The following HDAC9 variants were observed in gnomAD, a reference collection of about 807,000 sequenced individuals.
The protein encoded by HDAC9 is MEF-2 interacting transcription repressor (MITR) protein.
HDAC9 carries 41 observed loss-of-function variants against 139.4 expected under a neutral mutation model. The observed-to-expected ratio is 0.29, with a 90% confidence interval of 0.23 to 0.38. HDAC9 has a LOEUF of 0.38. Ranked by LOEUF, HDAC9 falls within the 10% of genes least tolerant of loss-of-function variation. The probability of loss-of-function intolerance (pLI) is 1.00; values close to 1 mark genes in which losing one functional copy is unlikely to be tolerated. For missense variants in HDAC9, 1,147 were observed against 1,297.0 expected, an observed-to-expected ratio of 0.88 and a Z score of 1.78; for synonymous variants, 517 against 476.2, an observed-to-expected ratio of 1.09 and a Z score of -1.12.
At chr7:18,867,777 C>T (rs1022298131) in intron 21 of HDAC9, among the ~76,000 whole-genome samples, 2 of 152,076 alleles carry the variant, frequency 1.3e-5, no homozygotes, top group Non-Finnish European at 2.9e-5. Context: ...TTTCTTGGGT[C>T]TCTCAGGGAC....
rs374289806 is a variant in HDAC9, at chr7:18,972,068, A to T, written c.3023-3738A>T. Among the ~76,000 whole-genome samples, 9 of 152,356 alleles carry T rather than the reference A, an allele frequency of 5.9e-5. 1 individual carries two copies. In the East Asian group the frequency reaches 1.7e-3, roughly 29 times the overall value. ...AAGCCCTTGCTTATTCTAAATGTGC[A>T]TATTATGTGCAAAGAATGTTTGCTG... On this transcript the variant is annotated intron_variant, in intron 24 of 25. Coordinates refer to ENST00000686413, the MANE Select transcript of HDAC9 (RefSeq NM_178425.4).
intron 2 of HDAC9, among the ~76,000 whole-genome samples, chr7:18,268,014 C>T (rs539819345): frequency 1.3e-5 from 2 of 152,172 alleles, no homozygotes; most frequent in South Asian, 4.2e-4. Flanking sequence ...GCTGAGCACC[C>T]TGACTTAACA....
intron 1 of HDAC9, among the ~76,000 whole-genome samples, chr7:18,459,676 A>C (rs1484908542): frequency 6.6e-6 from 1 of 152,078 alleles, no homozygotes; most frequent in African/African-American, 2.4e-5. Flanking sequence ...GCAAGTGTAG[A>C]TTTGGGGGAT....
chr7:18,372,934 T>C (rs533366832), intron 1 of HDAC9, among the ~76,000 whole-genome samples: 15 of 152,310 alleles, frequency 9.8e-5, no homozygotes, highest in African/African-American at 2.6e-4. Context: ...AAATTGCATG[T>C]TTAGTCATTT....
At chr7:18,494,053 A>C (rs960569965), upstream of HDAC9, among the ~76,000 whole-genome samples, 4 of 152,082 alleles carry the variant, frequency 2.6e-5, no homozygotes, top group Non-Finnish European at 4.4e-5. Flanking sequence ...TTTACACATA[A>C]ATTTTGTAAT....
chr7:18,510,012 T>G (rs1408321577), intron 2 of HDAC9, among the ~76,000 whole-genome samples: 1 of 152,242 alleles, frequency 6.6e-6, no homozygotes, highest in East Asian at 1.9e-4. Context: ...CAATGTGTTT[T>G]TATACATTTG....
At chr7:18,154,430 G>C (rs1787022231) in intron 1 of HDAC9, among the ~76,000 whole-genome samples, 2 of 152,188 alleles carry the variant, frequency 1.3e-5, no homozygotes, top group African/African-American at 2.4e-5. Context: ...ATGTGTCACT[G>C]TTTTCTCTTG....
At chr7:18,875,819 T>C (rs1289417219) in intron 22 of HDAC9, among the ~76,000 whole-genome samples, 1 of 152,154 alleles carries the variant, frequency 6.6e-6, no homozygotes, top group East Asian at 1.9e-4. Flanking sequence ...AAACCTCACT[T>C]GTGGGTCAGA....
intron 13 of HDAC9, among the ~76,000 whole-genome samples, chr7:18,729,926 A>G (rs958569947): frequency 2.0e-5 from 3 of 152,230 alleles, no homozygotes; most frequent in African/African-American, 7.2e-5. Context: ...TTACTAGTTC[A>G]AATTTGAATA....
chr7:18,693,170 G>C (rs2129098937), intron 12 of HDAC9, among the ~76,000 whole-genome samples: 1 of 151,938 alleles, frequency 6.6e-6, no homozygotes, highest in Non-Finnish European at 1.5e-5. Context: ...AAAGTCCTGG[G>C]ACTCACAGAA....
intron 2 of HDAC9, among the ~76,000 whole-genome samples, chr7:18,230,580 ATGT>A (rs1388001610): frequency 2.0e-5 from 3 of 152,220 alleles, no homozygotes; most frequent in African/African-American, 2.4e-5. Context: ...CCAGAATTAA[ATGT>A]TGTGCTCAAA....
chr7:18,329,875 G>T (rs976066253), intron 1 of HDAC9, among the ~76,000 whole-genome samples: 1 of 151,522 alleles, frequency 6.6e-6, no homozygotes, highest in Non-Finnish European at 1.5e-5. Context: ...TTTAACTACC[G>T]TTTAGCTAGC....
chr7:18,513,139 G>A (rs561829607), intron 2 of HDAC9, among the ~76,000 whole-genome samples: 7 of 152,270 alleles, frequency 4.6e-5, no homozygotes, highest in African/African-American at 1.7e-4. Flanking sequence ...TTGTTATCCA[G>A]TTATGCAGGT....
chr7:18,423,876 A>T (rs1435597342), intron 1 of HDAC9, among the ~76,000 whole-genome samples: 1 of 152,202 alleles, frequency 6.6e-6, no homozygotes, highest in Non-Finnish European at 1.5e-5. Flanking sequence ...CAGCAAGGGA[A>T]AGTGGACTTC....
chr7:18,596,385 C>T (rs1046147751), intron 6 of HDAC9, among the ~76,000 whole-genome samples: 3 of 152,090 alleles, frequency 2.0e-5, no homozygotes, highest in Non-Finnish European at 4.4e-5. Flanking sequence ...ATAGGTGGAA[C>T]ACTCAGCTTT....
intron 2 of HDAC9, among the ~76,000 whole-genome samples, chr7:18,537,268 A>C (rs1183672359): frequency 6.6e-6 from 1 of 152,234 alleles, no homozygotes; most frequent in Non-Finnish European, 1.5e-5. Context: ...TGGAAGAAAC[A>C]TATCTGTTAT....
At chr7:18,274,274 G>C (rs574128536) in intron 2 of HDAC9, among the ~76,000 whole-genome samples, 7 of 152,176 alleles carry the variant, frequency 4.6e-5, no homozygotes, top group African/African-American at 1.7e-4. Context: ...AATTCAAGTG[G>C]CTGGAAAATT....
At chr7:18,602,446 T>C (rs1378067593) in intron 6 of HDAC9, among the ~76,000 whole-genome samples, 3 of 149,890 alleles carry the variant, frequency 2.0e-5, no homozygotes, top group Non-Finnish European at 4.5e-5. Context: ...CTGGTTATAA[T>C]TGTCTTGAAT....
chr7:18,644,314 A>AT (rs149242236), intron 8 of HDAC9, among the ~76,000 whole-genome samples: 7,879 of 152,090 alleles, frequency 0.052, 658 homozygotes, highest in African/African-American at 0.17. Flanking sequence ...TTATATACAT[A>AT]TTTTTTTCAC....
Sources: gnomAD v4.1 joint callset for allele counts (sites outside exome capture counted in the v4.1 genomes callset) on GRCh38, gnomAD v4.1.1 for gene constraint, MANE v1.5 for transcripts, NCBI Gene and HGNC (gene_info 2026-07-23, HGNC 2026-07-21) for gene names.